MCTP1: variants seen among roughly 807,000 people sequenced by gnomAD.
MCTP1 encodes multiple C2 and transmembrane domain-containing protein 1.
In MCTP1, 69 loss-of-function variants were observed where a neutral mutation model predicts 120.6. The observed-to-expected ratio is 0.57, with a 90% CI of 0.47 to 0.70. MCTP1 has a LOEUF of 0.70. Among genes scored for constraint, MCTP1 ranks in the 30% least tolerant of loss-of-function variants. The pLI is 0.00. For missense variants in MCTP1, 1,203 were observed against 1,248.8 expected (o/e 0.96, Z 0.55); for synonymous variants, 529 against 493.1 (o/e 1.07, Z -0.96).
At chr5:95,254,470 C>T (rs1039694763) in intron 1 of MCTP1, among the ~76,000 whole-genome samples, 5 of 152,098 alleles carry the variant, frequency 3.3e-5, no homozygotes, top group African/African-American at 1.2e-4. Context: ...GGCTCCAGAA[C>T]CTACATCTTA....
chr5:94,940,597 T>C lies in MCTP1; in HGVS notation c.1062-402A>G, dbSNP rs143278520. On this transcript the variant is annotated intron_variant, in intron 4 of 22. Transcript: ENST00000515393. ...ATATACATATATATGTATATATATA[T>C]ACACATATACATATATATGTGTATA... Among the ~76,000 whole-genome samples, 762 of 144,474 alleles carry C rather than the reference T, an allele frequency of 5.3e-3. 6 individuals carry two copies. The highest frequency in any genetic ancestry group is 0.019 in the African/African-American group (727 of 38,968). The allele number at this position is 144,474 out of a possible 152,430, so 94.8% of individuals were successfully genotyped here. A position where few individuals can be genotyped will look rare whatever the true frequency, so the allele number is the denominator to read the frequency against.
At chr5:95,172,433 C>T (rs1022689243) in intron 1 of MCTP1, among the ~76,000 whole-genome samples, 1 of 152,208 alleles carries the variant, frequency 6.6e-6, no homozygotes, top group African/African-American at 2.4e-5. Context: ...CTCTTCAAAG[C>T]TGTCAGACAG....
intron 1 of MCTP1, among the ~76,000 whole-genome samples, chr5:95,237,751 G>A (rs917209841): frequency 3.3e-5 from 5 of 151,948 alleles, no homozygotes; most frequent in African/African-American, 9.7e-5. Flanking sequence ...ATTCATTTTC[G>A]TGATCCCAGC....
chr5:94,908,430 A>ATG (rs1807519188), intron 10 of MCTP1, among the ~76,000 whole-genome samples: 1 of 152,088 alleles, frequency 6.6e-6, no homozygotes, highest in African/African-American at 2.4e-5. Context: ...TTTCTGGAGT[A>ATG]TAATTTATTT....
In MCTP1 at chr5:94,798,195, C is replaced by T. The variant is rs147467589; in HGVS notation, c.2556+818G>A. On this transcript the variant is annotated intron_variant, in intron 18 of 22. Coordinates refer to ENST00000515393, the MANE Select transcript of MCTP1 (RefSeq NM_024717.7). ...TTCTCAACAGCTGTCTATTGAGTTA[C>T]CAAATTGCAAATGTCATATTTGGAG... Among the ~76,000 whole-genome samples the T allele has an allele frequency of 1.4e-4, 21 of 151,874 alleles. 1 individual carries two copies. Among genetic ancestry groups the T allele is most frequent in the African/African-American group, 4.6e-4 (19 of 41,432 alleles).
chr5:94,806,981 A>AT (rs561633708), intron 17 of MCTP1, among the ~76,000 whole-genome samples: 1 of 152,096 alleles, frequency 6.6e-6, no homozygotes, highest in Non-Finnish European at 1.5e-5. Context: ...ATTTCAATTC[A>AT]TTTTTTTCTT....
chr5:95,031,106 A>T (rs2153692052), intron 1 of MCTP1, among the ~76,000 whole-genome samples: 1 of 152,300 alleles, frequency 6.6e-6, no homozygotes, highest in South Asian at 2.1e-4. Context: ...AAATTAAAAA[A>T]TGAACAAAGC....
chr5:95,215,169 T>C (rs1752899709), intron 1 of MCTP1, among the ~76,000 whole-genome samples: 1 of 152,208 alleles, frequency 6.6e-6, no homozygotes, highest in Non-Finnish European at 1.5e-5. Context: ...AATTCCTACC[T>C]TCCTCTCTTC....
chr5:95,225,113 T>C (rs376235901), intron 1 of MCTP1, among the ~76,000 whole-genome samples: 1 of 152,186 alleles, frequency 6.6e-6, no homozygotes, highest in East Asian at 1.9e-4. Flanking sequence ...ATTTCTCAGA[T>C]AAGCATGCAA....
At position 95,171,620 on chromosome 5, in the gene MCTP1, G is replaced by A. The variant is rs531008076; in HGVS notation, c.720+112236C>T. Among the ~76,000 whole-genome samples the A allele has an allele frequency of 1.7e-4, 26 of 152,066 alleles. No homozygotes were observed. In the South Asian group the frequency reaches 3.3e-3, roughly 19 times the overall value. On this transcript the variant is annotated intron_variant, in intron 1 of 22. Coordinates refer to ENST00000515393, the MANE Select transcript of MCTP1 (RefSeq NM_024717.7). The stretch of plus-strand genomic sequence containing the variant: ...AGGCTTTGTTCATTTCTTTTTACTC[G>A]TTTTTCTCTAAACTTCTCTTCTCGC...
intron 1 of MCTP1, among the ~76,000 whole-genome samples, chr5:95,026,461 ACT>A (rs1244982818): frequency 6.6e-6 from 1 of 151,140 alleles, no homozygotes; most frequent in Non-Finnish European, 1.5e-5. Flanking sequence ...TACCCTTCCC[ACT>A]CTCTGGTAAC....
At chr5:94,888,223 A>G (rs543471826) in intron 12 of MCTP1, among the ~76,000 whole-genome samples, 2 of 152,356 alleles carry the variant, frequency 1.3e-5, no homozygotes, top group Admixed American at 6.5e-5. Flanking sequence ...CTGGAAATTG[A>G]TGGAATAATT....
chr5:94,782,140 C>T (rs78898150), intron 18 of MCTP1, among the ~76,000 whole-genome samples: 306 of 152,158 alleles, frequency 2.0e-3, no homozygotes, highest in African/African-American at 6.9e-3. Context: ...TGCATAAGAG[C>T]GCTTAATACA....
chr5:95,157,235 A>G (rs1745225278), intron 1 of MCTP1, among the ~76,000 whole-genome samples: 1 of 152,234 alleles, frequency 6.6e-6, no homozygotes, highest in African/African-American at 2.4e-5. Context: ...GTCTTAAAAT[A>G]TATCAACCAA....
chr5:95,056,623 T>C lies in MCTP1; in HGVS notation c.721-39139A>G, dbSNP rs146716861. The stretch of plus-strand genomic sequence containing the variant: ...AATAGTGAGTGGGATGTGCAGAAAC[T>C]GATCTTTTGCTCTCTGAGTCTCTAC... On this transcript the variant is annotated intron_variant, in intron 1 of 22. Coordinates refer to ENST00000515393, the MANE Select transcript of MCTP1 (RefSeq NM_024717.7). Among the ~76,000 whole-genome samples, 135 of 152,330 alleles carry C rather than the reference T, an allele frequency of 8.9e-4. 1 individual carries two copies. In the East Asian group the frequency reaches 0.023, roughly 26 times the overall value.
chr5:95,160,733 T>TATA (rs34723485), intron 1 of MCTP1, among the ~76,000 whole-genome samples: 111,032 of 151,552 alleles, frequency 0.73, 41,676 homozygotes, highest in Non-Finnish European at 0.82. Context: ...ACCCAAAATA[T>TATA]AGGAACTCAA....
intron 19 of MCTP1, among the ~76,000 whole-genome samples, chr5:94,737,281 C>T (rs1764499486): frequency 6.6e-6 from 1 of 152,080 alleles, no homozygotes; most frequent in South Asian, 2.1e-4. Context: ...TGCTGGGCCT[C>T]CTGGTGATAG....
chr5:94,881,619 T>C (rs551756403), intron 12 of MCTP1, among the ~76,000 whole-genome samples: 1 of 152,060 alleles, frequency 6.6e-6, no homozygotes, highest in East Asian at 1.9e-4. Context: ...GTGTGTGTGT[T>C]GATCGTGGAA....
At chr5:94,821,622 A>T (rs1232911191) in intron 17 of MCTP1, among the ~76,000 whole-genome samples, 1 of 152,170 alleles carries the variant, frequency 6.6e-6, no homozygotes, top group Non-Finnish European at 1.5e-5. Flanking sequence ...CTTATTAAGC[A>T]TTTAGTATGT....
Sources: gnomAD v4.1 joint callset for allele counts (sites outside exome capture counted in the v4.1 genomes callset) on GRCh38, gnomAD v4.1.1 for gene constraint, MANE v1.5 for transcripts, NCBI Gene and HGNC (gene_info 2026-07-23, HGNC 2026-07-21) for gene names.